The following ADAMTS18 variants were observed in gnomAD, a reference collection of about 807,000 sequenced individuals.
ADAMTS18 encodes the protein ADAM metallopeptidase with thrombospondin type 1 motif 18.
A neutral mutation model predicts 165.9 loss-of-function variants in ADAMTS18; 157 were observed. The ratio of observed to expected loss-of-function variants is 0.95; its 90% CI spans 0.83 to 1.08. The LOEUF is 1.08. Ranked by LOEUF, ADAMTS18 falls within the 50% of genes least tolerant of loss-of-function variation. The pLI, the probability that ADAMTS18 is intolerant of heterozygous loss-of-function variation, is 0.00. For missense variants in ADAMTS18, 2,040 were observed against 1,534.0 expected (o/e 1.33, Z -5.51); for synonymous variants, 782 against 578.2 (o/e 1.35, Z -5.06).
chr16:77,401,197 T>C (rs12599983), intron 3 of ADAMTS18, among the ~76,000 whole-genome samples: 18,598 of 151,934 alleles, frequency 0.12, 1,429 homozygotes, highest in East Asian at 0.23. Flanking sequence ...GAGGTTGCGG[T>C]GAGCCGAGAT....
chr16:77,370,651 G>A (rs979970601), intron 3 of ADAMTS18, among the ~76,000 whole-genome samples: 2 of 152,160 alleles, frequency 1.3e-5, no homozygotes, highest in African/African-American at 4.8e-5. Flanking sequence ...TCAGGAGGCT[G>A]AGACAGGAGA....
intron 3 of ADAMTS18, among the ~76,000 whole-genome samples, chr16:77,379,807 A>G (rs1028128546): frequency 5.1e-4 from 77 of 152,254 alleles, no homozygotes; most frequent in African/African-American, 1.7e-3. Flanking sequence ...GTTTAAGATG[A>G]GTCAGGTAAA....
chr16:77,288,857 A>G (rs2055306408), intron 22 of ADAMTS18, among the ~76,000 whole-genome samples: 1 of 152,140 alleles, frequency 6.6e-6, no homozygotes, highest in Admixed American at 6.5e-5. Flanking sequence ...TGTGACAGTA[A>G]ACCCAGAACT....
intron 16 of ADAMTS18, among the ~76,000 whole-genome samples, chr16:77,312,273 G>A (rs373482001): frequency 2.0e-5 from 3 of 149,880 alleles, no homozygotes; most frequent in Admixed American, 6.7e-5. Context: ...TTTTGTTCTC[G>A]TCGCCCAGGC....
chr16:77,329,888 G>A (rs189242592), intron 12 of ADAMTS18, among the ~76,000 whole-genome samples: 1 of 152,094 alleles, frequency 6.6e-6, no homozygotes, highest in Non-Finnish European at 1.5e-5. Flanking sequence ...CCTTATATTA[G>A]ACAACTATAA....
intron 22 of ADAMTS18, among the ~76,000 whole-genome samples, chr16:77,285,241 C>T (rs1198181337): frequency 1.3e-5 from 2 of 152,142 alleles, no homozygotes; most frequent in South Asian, 2.1e-4. Context: ...GGTATAATCT[C>T]GGCTCACTGC....
intron 1 of ADAMTS18, 43 bp from the exon 2 acceptor site, chr16:77,434,548 G>A (rs760495707): frequency 6.5e-6 from 10 of 1,533,616 alleles, no homozygotes; most frequent in South Asian, 1.2e-5. Context: ...GGCGCGGCGG[G>A]GCTGGCGTCG....
intron 16 of ADAMTS18, among the ~76,000 whole-genome samples, chr16:77,317,846 G>A (rs2055915389): frequency 6.6e-6 from 1 of 152,152 alleles, no homozygotes; most frequent in Non-Finnish European, 1.5e-5. Context: ...GGCCCGCTGT[G>A]CATGGAACTG....
intron 3 of ADAMTS18, among the ~76,000 whole-genome samples, chr16:77,428,040 G>T (rs1182258673): frequency 2.0e-5 from 3 of 152,186 alleles, no homozygotes; most frequent in African/African-American, 7.2e-5. Flanking sequence ...TCATTTAAAG[G>T]TGACATCGCT....
chr16:77,386,056 G>T (rs2057103104), intron 3 of ADAMTS18, among the ~76,000 whole-genome samples: 1 of 152,178 alleles, frequency 6.6e-6, no homozygotes, highest in Non-Finnish European at 1.5e-5. Flanking sequence ...GATTGGACTT[G>T]GTAACTTAGT....
chr16:77,374,560 GA>G (rs1297550895), intron 3 of ADAMTS18, among the ~76,000 whole-genome samples: 2 of 151,490 alleles, frequency 1.3e-5, no homozygotes, highest in Non-Finnish European at 2.9e-5. Context: ...AGAATAGAAG[GA>G]AAAAAAAGTG....
intron 8 of ADAMTS18, 28 bp from the exon 9 acceptor site, chr16:77,356,105 C>G: frequency 6.2e-7 from 1 of 1,613,950 alleles, no homozygotes; most frequent in African/African-American, 1.3e-5. Context: ...AAACAAAATC[C>G]TGCTTTGTGA....
intron 11 of ADAMTS18, among the ~76,000 whole-genome samples, chr16:77,339,067 G>C (rs2056357155): frequency 6.6e-6 from 1 of 152,174 alleles, no homozygotes; most frequent in South Asian, 2.1e-4. Context: ...GAAGGACAGA[G>C]TTGGGTTCCA....
intron 3 of ADAMTS18, chr16:77,378,842 G>A (rs1396044229): frequency 1.3e-5 from 2 of 152,186 alleles, no homozygotes; most frequent in East Asian, 3.8e-4. Context: ...AAGAAGTCAA[G>A]AAGTCTGGCC....
intron 16 of ADAMTS18, among the ~76,000 whole-genome samples, chr16:77,317,459 G>T (rs771457076): frequency 6.6e-6 from 1 of 151,970 alleles, no homozygotes; most frequent in Non-Finnish European, 1.5e-5. Flanking sequence ...TCAGCCTCCC[G>T]ACTAGCTGGG....
intron 3 of ADAMTS18, among the ~76,000 whole-genome samples, chr16:77,410,581 A>G (rs1278282863): frequency 6.6e-6 from 1 of 152,152 alleles, no homozygotes; most frequent in East Asian, 1.9e-4. Context: ...AACGGGAAAT[A>G]ATTTGCACAA....
At position 77,336,033 on chromosome 16, in the gene ADAMTS18, ATAAATT is replaced by A. The variant is rs1346759024; in HGVS notation, c.1711-135_1711-130del. Reference sequence around the variant, plus strand: ...GAAAAGGAAAATGCCTGATACCTTGATAAATTCCTCTGCTGTGCTCTAAAAACACTC... The same window carrying A: ...GAAAAGGAAAATGCCTGATACCTTGACCTCTGCTGTGCTCTAAAAACACTC... On this transcript the variant is annotated intron_variant, in intron 11 of 22. Coordinates refer to ENST00000282849, the MANE Select transcript of ADAMTS18 (RefSeq NM_199355.4). The A allele has an allele frequency of 7.2e-6, 8 of 1,110,982 alleles. No homozygotes were observed. The East Asian group carries it at 1.4e-4, about 20-fold the overall frequency. 68.8% of individuals were successfully genotyped at this position (1,110,982 alleles called of 1,614,324 possible). A position where few individuals can be genotyped will look rare whatever the true frequency, so the allele number is the denominator to read the frequency against.
At chr16:77,375,890 CTTTTTTTTTTTTTTTTTT>C (rs200629744) in intron 3 of ADAMTS18, among the ~76,000 whole-genome samples, 2 of 93,902 alleles carry the variant, frequency 2.1e-5, no homozygotes, top group Non-Finnish European at 4.1e-5. Flanking sequence ...TCTTTCTTTC[CTTTTTTTTTTTTTTTTTT>C]TTTTTTTTTT....
At chr16:77,327,339 C>G (rs1429355504) in intron 12 of ADAMTS18, among the ~76,000 whole-genome samples, 1 of 152,130 alleles carries the variant, frequency 6.6e-6, no homozygotes, top group East Asian at 1.9e-4. Flanking sequence ...CACCCCCTAC[C>G]CTTTCCCTTG....
Sources: gnomAD v4.1 joint callset for allele counts (sites outside exome capture counted in the v4.1 genomes callset) on GRCh38, gnomAD v4.1.1 for gene constraint, MANE v1.5 for transcripts, NCBI Gene and HGNC (gene_info 2026-07-23, HGNC 2026-07-21) for gene names.